Variants in N4BP2L2 observed in about 807,000 individuals in gnomAD.
N4BP2L2 encodes NEDD4-binding protein 2-like 2.
N4BP2L2 carries 50 observed loss-of-function variants against 56.2 expected under a neutral mutation model. The ratio of observed to expected loss-of-function variants is 0.89; its 90% CI spans 0.71 to 1.13. The LOEUF is 1.13. N4BP2L2 is among the 50% of genes most tolerant of loss of function. The pLI, the probability that N4BP2L2 is intolerant of heterozygous loss-of-function variation, is 0.00. For missense variants in N4BP2L2, 689 were observed against 693.8 expected (o/e 0.99, Z 0.08); for synonymous variants, 203 against 223.6 (o/e 0.91, Z 0.82).
At chr13:32,500,552 A>T (rs1162382969) in intron 6 of N4BP2L2, among the ~76,000 whole-genome samples, 1 of 144,774 alleles carries the variant, frequency 6.9e-6, no homozygotes, top group Admixed American at 6.8e-5. Flanking sequence ...TCTACAAAAA[A>T]AAAAAAAAAA....
chr13:32,492,171 T>C (rs1218195138), intron 6 of N4BP2L2, among the ~76,000 whole-genome samples: 1 of 151,846 alleles, frequency 6.6e-6, no homozygotes, highest in Non-Finnish European at 1.5e-5. Flanking sequence ...TGAAATGAGA[T>C]AGATGACATC....
At chr13:32,485,268 T>C (rs2085615974) in intron 6 of N4BP2L2, among the ~76,000 whole-genome samples, 1 of 151,978 alleles carries the variant, frequency 6.6e-6, no homozygotes, top group Non-Finnish European at 1.5e-5. Context: ...TGAAGAACAG[T>C]TGGAAAAGGA....
At chr13:32,485,544 A>G (rs570318922) in intron 6 of N4BP2L2, among the ~76,000 whole-genome samples, 9 of 152,344 alleles carry the variant, frequency 5.9e-5, no homozygotes, top group African/African-American at 1.9e-4. Flanking sequence ...ACCTCAAAAA[A>G]ATAGCTGACT....
chr13:32,455,635 C>T (rs956415904), intron 6 of N4BP2L2, among the ~76,000 whole-genome samples: 4 of 152,354 alleles, frequency 2.6e-5, no homozygotes, highest in Admixed American at 2.0e-4. Context: ...GGGGCTCACC[C>T]TGCCCTGCCC....
At chr13:32,473,105 A>G (rs994464069) in intron 6 of N4BP2L2, among the ~76,000 whole-genome samples, 8 of 152,032 alleles carry the variant, frequency 5.3e-5, no homozygotes, top group Non-Finnish European at 8.8e-5. Flanking sequence ...ACATAGTGAA[A>G]CCCCATCTCT....
At chr13:32,523,208 T>C (rs964941708) in intron 3 of N4BP2L2, 1 of 151,966 alleles carries the variant, frequency 6.6e-6, no homozygotes, top group African/African-American at 2.4e-5. Context: ...CTGGCCAAAA[T>C]GGCAAAACCT....
At chr13:32,442,014 T>TGCA (rs956299405) in intron 7 of N4BP2L2, among the ~76,000 whole-genome samples, 1 of 152,228 alleles carries the variant, frequency 6.6e-6, no homozygotes, top group Non-Finnish European at 1.5e-5. Flanking sequence ...AGGCGGAGCT[T>TGCA]GCAGTGAGCC....
chr13:32,465,239 A>G (rs1250767203), intron 6 of N4BP2L2, among the ~76,000 whole-genome samples: 2 of 152,178 alleles, frequency 1.3e-5, no homozygotes, highest in Non-Finnish European at 2.9e-5. Flanking sequence ...TGCTGGGATT[A>G]CAGGTGTGAG....
chr13:32,501,740 C>G (rs896990565), intron 6 of N4BP2L2, among the ~76,000 whole-genome samples: 1 of 151,652 alleles, frequency 6.6e-6, no homozygotes, highest in African/African-American at 2.4e-5. Context: ...GCATGAAACC[C>G]GGAGGCGGAG....
chr13:32,517,902 G>A (rs770399859), exon 6 of N4BP2L2: 2 of 1,614,092 alleles, frequency 1.2e-6, no homozygotes, highest in East Asian at 2.2e-5. Context: ...GCTTTTGTGT[G>A]ATGGTTCCAC....
intron 2 of N4BP2L2, 122 bp downstream of exon 2, chr13:32,535,647 G>T: frequency 1.9e-6 from 2 of 1,027,684 alleles, no homozygotes; most frequent in Non-Finnish European, 2.8e-6. Context: ...CAAGTGACTG[G>T]TCCACCCTGG....
chr13:32,535,330 G>T (rs1366675607), intron 2 of N4BP2L2, among the ~76,000 whole-genome samples: 1 of 152,212 alleles, frequency 6.6e-6, no homozygotes, highest in East Asian at 1.9e-4. Context: ...GGCCAGGACA[G>T]TTCTCAAGTA....
intron 6 of N4BP2L2, among the ~76,000 whole-genome samples, chr13:32,464,807 A>AG (rs760810002): frequency 2.6e-5 from 4 of 152,204 alleles, no homozygotes; most frequent in Non-Finnish European, 5.9e-5. Flanking sequence ...AGTCATAAAA[A>AG]GGCATACAAA....
At chr13:32,497,087 G>A (rs780109665) in intron 6 of N4BP2L2, among the ~76,000 whole-genome samples, 10 of 152,164 alleles carry the variant, frequency 6.6e-5, no homozygotes, top group Non-Finnish European at 1.3e-4. Flanking sequence ...AAGAAAAAGA[G>A]GGGTTTCATT....
intron 2 of N4BP2L2, among the ~76,000 whole-genome samples, chr13:32,532,924 A>G (rs556885393): frequency 1.3e-5 from 2 of 149,364 alleles, no homozygotes; most frequent in South Asian, 2.1e-4. Flanking sequence ...GACAGGGTCT[A>G]TGTTGCCCAA....
chr13:32,466,923 A>G (rs1313878944), intron 6 of N4BP2L2, among the ~76,000 whole-genome samples: 5 of 152,230 alleles, frequency 3.3e-5, no homozygotes, highest in Non-Finnish European at 7.3e-5. Flanking sequence ...GATTCACACT[A>G]AGACCTGAAA....
At chr13:32,507,041 C>T (rs1415069337), downstream of N4BP2L2, 1 of 152,072 alleles carries the variant, frequency 6.6e-6, no homozygotes, top group African/African-American at 2.4e-5. Flanking sequence ...GAAAATCCAT[C>T]AAATGATGGT....
chr13:32,466,600 T>C (rs1304198615), intron 6 of N4BP2L2, among the ~76,000 whole-genome samples: 1 of 152,070 alleles, frequency 6.6e-6, no homozygotes, highest in Admixed American at 6.6e-5. Flanking sequence ...ATTGAGTTTA[T>C]AGTAAGTTCA....
intron 6 of N4BP2L2, among the ~76,000 whole-genome samples, chr13:32,481,554 G>A (rs763331057): frequency 9.9e-5 from 15 of 152,214 alleles, no homozygotes; most frequent in Non-Finnish European, 1.3e-4. Flanking sequence ...AGTAGTATAC[G>A]TATGTACATG....
Sources: allele counts gnomAD v4.1 joint callset (sites outside exome capture counted in the v4.1 genomes callset), GRCh38; gene constraint gnomAD v4.1.1; transcripts MANE v1.5; gene names NCBI Gene and HGNC (gene_info 2026-07-23, HGNC 2026-07-21).